ARL13B: variants seen among roughly 807,000 people sequenced by gnomAD.
ARL13B encodes the protein ARF like GTPase 13B, also known as ADP-ribosylation factor-like protein 13B.
ARL13B carries 36 observed loss-of-function variants against 56.1 expected under a neutral mutation model. That is an observed-to-expected ratio of 0.64 (90% CI 0.49 to 0.85). ARL13B has a LOEUF of 0.85. ARL13B is among the 40% of genes least tolerant of loss of function. ARL13B has a pLI of 0.00. For synonymous variants in ARL13B, 178 were observed against 171.1 expected, an observed-to-expected ratio of 1.04 and a Z score of -0.32; for missense variants, 519 against 507.1, an observed-to-expected ratio of 1.02 and a Z score of -0.23.
intron 3 of ARL13B, chr3:94,028,643 A>G (rs1417024996): frequency 6.6e-6 from 1 of 152,210 alleles, no homozygotes; most frequent in East Asian, 1.9e-4. Flanking sequence ...TTAGACGCCT[A>G]TTCTTTAGAT....
intron 3 of ARL13B, among the ~76,000 whole-genome samples, chr3:94,029,471 A>G (rs2076636054): frequency 6.7e-6 from 1 of 148,664 alleles, no homozygotes; most frequent in African/African-American, 2.5e-5. Context: ...CCTGAGCCCC[A>G]TAAGTAGCTG....
chr3:94,044,229 G>A (rs574206059), intron 7 of ARL13B, among the ~76,000 whole-genome samples: 1 of 148,762 alleles, frequency 6.7e-6, no homozygotes, highest in South Asian at 2.1e-4. Flanking sequence ...CTGCCTGGCC[G>A]CCCATCATCT....
In ARL13B at chr3:93,997,953, T is replaced by G. The variant is rs574156573; in HGVS notation, c.130+2009T>G. On this transcript the variant is annotated intron_variant, in intron 2 of 9. Coordinates refer to ENST00000394222, the MANE Select transcript of ARL13B (RefSeq NM_001174150.2). ...GTGAGCTGGGATTGCGCCACTGCAC[T>G]CCAGTCTGGGCAACAGTGAGACTCC... 5.9e-5 allele frequency among the ~76,000 whole-genome samples: 9 copies of G among 152,144 alleles called. No individual in the cohort carries two copies. In the East Asian group the frequency reaches 1.7e-3, roughly 29 times the overall value.
At chr3:94,041,810 C>T (rs937727883) in intron 6 of ARL13B, among the ~76,000 whole-genome samples, 3 of 152,146 alleles carry the variant, frequency 2.0e-5, no homozygotes, top group African/African-American at 7.2e-5. Flanking sequence ...CACGGTGGCT[C>T]ACGCCTGTAA....
Position 94,053,740 on chromosome 3 carries a change from ATTAC to A in ARL13B, c.*479_*482del, listed in dbSNP as rs778521144. ...TTTTTTTAAATCTTTAAAAATTTTA[ATTAC>A]TGTGATATTGATTATACACCTTTTT... On this transcript the variant is annotated 3_prime_UTR_variant, in exon 10 of 10. Coordinates refer to ENST00000394222, the MANE Select transcript of ARL13B (RefSeq NM_001174150.2). 3 of 307,620 alleles carry A rather than the reference ATTAC, an allele frequency of 9.8e-6. No homozygotes were observed. Among genetic ancestry groups the A allele is most frequent in the Non-Finnish European group, 1.9e-5 (3 of 159,436 alleles). 19.1% of individuals were successfully genotyped at this position (307,620 alleles called of 1,614,324 possible). A position where few individuals can be genotyped will look rare whatever the true frequency, so the allele number is the denominator to read the frequency against.
intron 1 of ARL13B, chr3:93,988,656 T>TCCTGCTTC (rs760451953): frequency 8.1e-6 from 4 of 493,210 alleles, no homozygotes; most frequent in African/African-American, 2.0e-5. Context: ...CTTCTTTCTC[T>TCCTGCTTC]CCTGCTTCAT....
intron 3 of ARL13B, among the ~76,000 whole-genome samples, chr3:94,018,144 C>T (rs1293871719): frequency 6.6e-6 from 1 of 152,028 alleles, no homozygotes; most frequent in Non-Finnish European, 1.5e-5. Flanking sequence ...GCCATCTGTT[C>T]GCCTTGTCCT....
chr3:93,992,031 C>T (rs887381309), intron 1 of ARL13B, among the ~76,000 whole-genome samples: 2 of 151,952 alleles, frequency 1.3e-5, no homozygotes, highest in African/African-American at 2.4e-5. Flanking sequence ...TTATAATTCT[C>T]TAAAGTGATT....
In ARL13B at chr3:94,055,331, T is replaced by TA; in HGVS notation, c.*2072dup. On this transcript the variant is annotated 3_prime_UTR_variant, in exon 10 of 10. Coordinates refer to ENST00000394222, the MANE Select transcript of ARL13B (RefSeq NM_001174150.2). Reference sequence around the variant, plus strand: ...GATTTAAATGATTTCCTTTGGGTAATAAAATAGGTAAAGATTTTAAAATAT... The same window carrying TA: ...GATTTAAATGATTTCCTTTGGGTAATAAAAATAGGTAAAGATTTTAAAATAT... The TA allele has an allele frequency of 2.3e-6, 1 of 433,764 alleles. No homozygotes were observed. Among genetic ancestry groups the TA allele is most frequent in the Non-Finnish European group, 4.6e-6 (1 of 217,004 alleles). 26.9% of individuals were successfully genotyped at this position (433,764 alleles called of 1,614,324 possible).
chr3:94,035,442 G>GTTTTTT lies in ARL13B; in HGVS notation c.486+17_486+22dup. ...ACAAGTGCCTGTGTCAGATAGTAAG[G>GTTTTTT]TTTTTTTTTTTTTTTTAATTTTAAT... On this transcript the variant is annotated splice_region_variant and intron_variant, in intron 4 of 9. Coordinates refer to ENST00000394222, the MANE Select transcript of ARL13B (RefSeq NM_001174150.2). The GTTTTTT allele has an allele frequency of 1.6e-6, 2 of 1,285,268 alleles. No individual in the cohort carries two copies. Among genetic ancestry groups the GTTTTTT allele is most frequent in the Non-Finnish European group, 1.1e-6 (1 of 936,252 alleles). 79.6% of individuals were successfully genotyped at this position (1,285,268 alleles called of 1,614,324 possible).
At chr3:94,039,673 AT>A (rs1302305487) in intron 5 of ARL13B, among the ~76,000 whole-genome samples, 1 of 152,030 alleles carries the variant, frequency 6.6e-6, no homozygotes, top group Non-Finnish European at 1.5e-5. Context: ...TTTTATCAGC[AT>A]TTTTTTAATT....
intron 9 of ARL13B, among the ~76,000 whole-genome samples, chr3:94,051,526 T>C (rs1315613888): frequency 6.6e-6 from 1 of 152,142 alleles, no homozygotes; most frequent in African/African-American, 2.4e-5. Context: ...AGAGGAAGGA[T>C]ATTTAGGAGA....
At chr3:93,994,293 G>T (rs1235814078) in intron 1 of ARL13B, among the ~76,000 whole-genome samples, 14 of 151,894 alleles carry the variant, frequency 9.2e-5, no homozygotes, top group Admixed American at 9.2e-4. Flanking sequence ...CTCTTGCCCC[G>T]AATATATGCA....
At chr3:94,035,717 A>G (rs1384839694) in intron 4 of ARL13B, among the ~76,000 whole-genome samples, 1 of 152,154 alleles carries the variant, frequency 6.6e-6, no homozygotes, top group Non-Finnish European at 1.5e-5. Flanking sequence ...GAAATTTGTA[A>G]AATGGGAAAG....
rs566582201 is a variant in ARL13B at position 94,055,225 on chromosome 3, T to C, written c.*1962T>C. 2.4e-6 allele frequency: 1 copy of C among 412,860 alleles called. No individual in the cohort carries two copies. The highest frequency in any genetic ancestry group is 1.8e-5 in the South Asian group (1 of 54,382). The allele number at this position is 412,860 out of a possible 1,614,324, so 25.6% of individuals were successfully genotyped here. A position where few individuals can be genotyped will look rare whatever the true frequency, so the allele number is the denominator to read the frequency against. ...GCCTATTTTGTTATATGTTATACTT[T>C]TATTCTTAATTCTGAATTTTGACAT... is the stretch of plus-strand genomic sequence containing the variant. On this transcript the variant is annotated 3_prime_UTR_variant, in exon 10 of 10. Transcript: ENST00000394222.
rs190978395 is a variant in ARL13B, at chr3:94,027,499, A to G, written c.381-7832A>G. ...TTTATCTGATTCAAGTAAGCTGTAC[A>G]TACATAAAATGATTTTTATATTACA... On this transcript the variant is annotated intron_variant, in intron 3 of 9. Coordinates refer to ENST00000394222, the MANE Select transcript of ARL13B (RefSeq NM_001174150.2). Among the ~76,000 whole-genome samples the G allele has an allele frequency of 2.0e-5, 3 of 152,240 alleles. No homozygotes were observed. In the East Asian group the frequency reaches 5.8e-4, roughly 29 times the overall value.
At chr3:94,044,455 G>GGCC (rs2076939309) in intron 7 of ARL13B, among the ~76,000 whole-genome samples, 2 of 142,060 alleles carry the variant, frequency 1.4e-5, no homozygotes, top group African/African-American at 2.7e-5. Flanking sequence ...GCCTCTGCCC[G>GGCC]GCCACCCCGT....
At chr3:94,048,924 A>T (rs1046827917) in intron 7 of ARL13B, among the ~76,000 whole-genome samples, 7 of 152,096 alleles carry the variant, frequency 4.6e-5, no homozygotes, top group African/African-American at 1.7e-4. Flanking sequence ...AATAAGTAAC[A>T]TGTTTAGATT....
chr3:93,981,510 A>T (rs947170244), intron 1 of ARL13B, among the ~76,000 whole-genome samples: 1 of 152,204 alleles, frequency 6.6e-6, no homozygotes, highest in African/African-American at 2.4e-5. Context: ...ACTTTAAATG[A>T]AACTAGAGAT....
Sources: allele counts gnomAD v4.1 joint callset (sites outside exome capture counted in the v4.1 genomes callset), GRCh38; gene constraint gnomAD v4.1.1; transcripts MANE v1.5; gene names NCBI Gene and HGNC (gene_info 2026-07-23, HGNC 2026-07-21).